ROBO2: variants seen among roughly 807,000 people sequenced by gnomAD.
The protein encoded by ROBO2 is roundabout guidance receptor 2, also known as roundabout homolog 2.
Under a neutral mutation model 160.8 loss-of-function variants are expected in ROBO2, and 53 were observed. That is an observed-to-expected ratio of 0.33 (90% CI 0.26 to 0.41). The LOEUF is 0.41. Ranked by LOEUF, ROBO2 falls within the 10% of genes least tolerant of loss-of-function variation. The pLI is 1.00. For synonymous variants in ROBO2, 664 were observed against 611.7 expected (o/e 1.09, Z -1.26); for missense variants, 1,577 against 1,722.4 (o/e 0.92, Z 1.49).
intron 2 of ROBO2, among the ~76,000 whole-genome samples, chr3:76,319,314 A>G (rs1315885585): frequency 1.3e-5 from 2 of 152,142 alleles, no homozygotes; most frequent in East Asian, 1.9e-4. Context: ...GACTTACTCC[A>G]CACTGGGTTT....
At chr3:76,774,948 C>A (rs921909703) in intron 2 of ROBO2, among the ~76,000 whole-genome samples, 1 of 150,436 alleles carries the variant, frequency 6.6e-6, no homozygotes, top group Non-Finnish European at 1.5e-5. Flanking sequence ...TGTGATTCAT[C>A]TGAAGGAGTT....
chr3:76,167,324 G>T (rs2072873179), intron 2 of ROBO2, among the ~76,000 whole-genome samples: 1 of 152,100 alleles, frequency 6.6e-6, no homozygotes, highest in Non-Finnish European at 1.5e-5. Flanking sequence ...GAAATAGTTT[G>T]CTCTCCCTGA....
intron 2 of ROBO2, among the ~76,000 whole-genome samples, chr3:76,263,350 G>A (rs968512566): frequency 1.6e-4 from 24 of 151,970 alleles, no homozygotes; most frequent in African/African-American, 4.8e-4. Flanking sequence ...CCTTTGCCTC[G>A]CAAATAGCTG....
chr3:76,536,383 C>T (rs1372467632), intron 2 of ROBO2, among the ~76,000 whole-genome samples: 7 of 152,110 alleles, frequency 4.6e-5, no homozygotes, highest in Non-Finnish European at 4.4e-5. Context: ...TGATAAAATG[C>T]ATATTAAGAA....
chr3:77,125,353 A>G (rs1379732273), intron 2 of ROBO2, among the ~76,000 whole-genome samples: 1 of 152,124 alleles, frequency 6.6e-6, no homozygotes, highest in Non-Finnish European at 1.5e-5. Flanking sequence ...ATAAATCACT[A>G]CAAATTTCAA....
chr3:77,646,133 G>A (rs899896801), exon 26 of ROBO2: 9 of 1,053,518 alleles, frequency 8.5e-6, no homozygotes, highest in Non-Finnish European at 1.3e-5. Flanking sequence ...TCTAAACAGT[G>A]CAATGAACAA....
intron 2 of ROBO2, among the ~76,000 whole-genome samples, chr3:76,414,449 AGTTCAT>A (rs1052262695): frequency 2.0e-5 from 3 of 152,042 alleles, no homozygotes; most frequent in Admixed American, 6.6e-5. Context: ...AAAAATGATG[AGTTCAT>A]GTCCTTTGTA....
chr3:76,389,236 T>C (rs2077036106), intron 2 of ROBO2, among the ~76,000 whole-genome samples: 4 of 152,232 alleles, frequency 2.6e-5, no homozygotes, highest in Admixed American at 1.3e-4. Context: ...AGCTGATATT[T>C]CAAATGCAGA....
intron 2 of ROBO2, among the ~76,000 whole-genome samples, chr3:76,603,344 AAAAAAAAAT>A (rs1288246328): frequency 7.7e-5 from 5 of 64,676 alleles, no homozygotes; most frequent in Non-Finnish European, 1.2e-4. Flanking sequence ...AAAAAAAAAA[AAAAAAAAAT>A]ATATATATAT....
intron 23 of ROBO2, among the ~76,000 whole-genome samples, chr3:77,627,501 T>G (rs2095055463): frequency 6.6e-6 from 1 of 152,094 alleles, no homozygotes; most frequent in Non-Finnish European, 1.5e-5. Context: ...GCCAAGCTGT[T>G]CTCAAACTCG....
chr3:77,281,555 A>C (rs2060241666), intron 2 of ROBO2, among the ~76,000 whole-genome samples: 1 of 152,086 alleles, frequency 6.6e-6, no homozygotes, highest in South Asian at 2.1e-4. Context: ...ATGTTTGTAC[A>C]TTCATCCCTC....
chr3:76,371,356 A>G (rs940016532), intron 2 of ROBO2, among the ~76,000 whole-genome samples: 68 of 152,128 alleles, frequency 4.5e-4, no homozygotes, highest in African/African-American at 1.5e-3. Context: ...ACATAATTGT[A>G]TATGAGTCTT....
At chr3:76,663,709 C>G (rs757048807) in intron 2 of ROBO2, among the ~76,000 whole-genome samples, 2 of 152,106 alleles carry the variant, frequency 1.3e-5, no homozygotes, top group African/African-American at 2.4e-5. Flanking sequence ...TGAGCTCAGA[C>G]TTGATGAATA....
At chr3:76,530,424 C>T (rs764931377) in intron 2 of ROBO2, among the ~76,000 whole-genome samples, 5 of 152,086 alleles carry the variant, frequency 3.3e-5, no homozygotes, top group African/African-American at 2.4e-5. Flanking sequence ...AGTGTTCCTC[C>T]GAATTGCTCC....
intron 2 of ROBO2, among the ~76,000 whole-genome samples, chr3:77,290,331 AG>A (rs2061048001): frequency 9.9e-6 from 1 of 100,908 alleles, no homozygotes; most frequent in Non-Finnish European, 2.2e-5. Context: ...AGATCACCCC[AG>A]ACATAAAGTA....
At chr3:76,256,722 C>T (rs1706413283) in intron 2 of ROBO2, among the ~76,000 whole-genome samples, 1 of 151,864 alleles carries the variant, frequency 6.6e-6, no homozygotes, top group Non-Finnish European at 1.5e-5. Context: ...TGTTAGGCCA[C>T]TCTTGCATTG....
intron 2 of ROBO2, among the ~76,000 whole-genome samples, chr3:76,873,749 A>T (rs140796520): frequency 4.2e-3 from 643 of 152,264 alleles, no homozygotes; most frequent in African/African-American, 0.014. Flanking sequence ...TGGCGTCAAC[A>T]CAAACTTTGC....
At chr3:77,642,636 T>A (rs1431841807) in intron 24 of ROBO2, 35 bp from the exon 26 acceptor site, 1 of 436,318 alleles carries the variant, frequency 2.3e-6, no homozygotes, top group Admixed American at 2.7e-5. Flanking sequence ...TTCATTAAAT[T>A]TTAGTCCATT....
In ROBO2 at chr3:77,265,573, A is replaced by T. The variant is rs142321421; in HGVS notation, c.388+167233A>T. On this transcript the variant is annotated intron_variant, in intron 2 of 25. Coordinates refer to ENST00000461745, the Ensembl canonical transcript of ROBO2. Reference sequence around the variant, plus strand: ...ATTATTCTAAGTCATGCTCCTTGAGACTTCAATCTCAATATGATGTTAATA... The same window carrying T: ...ATTATTCTAAGTCATGCTCCTTGAGTCTTCAATCTCAATATGATGTTAATA... 3.4e-4 allele frequency among the ~76,000 whole-genome samples: 52 copies of T among 152,308 alleles called. 1 individual carries two copies. In the East Asian group the frequency reaches 9.8e-3, roughly 29 times the overall value.
Sources: gnomAD v4.1 joint callset for allele counts (sites outside exome capture counted in the v4.1 genomes callset) on GRCh38, gnomAD v4.1.1 for gene constraint, MANE v1.5 for transcripts, NCBI Gene and HGNC (gene_info 2026-07-23, HGNC 2026-07-21) for gene names.